Variants in CYP3A7 observed in about 807,000 individuals in gnomAD.
CYP3A7 encodes the protein cytochrome P450 3A7.
A neutral mutation model predicts 55.2 loss-of-function variants in CYP3A7; 45 were observed. The ratio of observed to expected loss-of-function variants is 0.82; its 90% confidence interval spans 0.64 to 1.05. The LOEUF is 1.05. Among genes scored for constraint, CYP3A7 ranks in the 50% least tolerant of loss-of-function variants. The pLI, the probability that CYP3A7 is intolerant of heterozygous loss-of-function variation, is 0.00. For missense variants in CYP3A7, 548 were observed against 605.3 expected (o/e 0.91, Z 0.99); for synonymous variants, 180 against 207.4 (o/e 0.87, Z 1.13).
chr7:99,718,027 T>G (rs1814034330), intron 4 of CYP3A7, among the ~76,000 whole-genome samples: 1 of 151,516 alleles, frequency 6.6e-6, no homozygotes, highest in Non-Finnish European at 1.5e-5. Flanking sequence ...ATGGGCAACA[T>G]GAAAAAGAGG....
intron 2 of CYP3A7, among the ~76,000 whole-genome samples, chr7:99,728,448 C>G (rs1469785248): frequency 1.3e-5 from 2 of 152,152 alleles, no homozygotes; most frequent in Non-Finnish European, 2.9e-5. Flanking sequence ...CCATCAATCC[C>G]CATTATGACC....
At position 99,709,089 on chromosome 7, in the gene CYP3A7, A is replaced by G. The variant is rs370963735; in HGVS notation, c.1199T>C (p.Val400Ala). The G allele has an allele frequency of 3.6e-5, 58 of 1,613,884 alleles. No homozygotes were observed. The highest frequency in any genetic ancestry group is 2.2e-4 in the South Asian group (20 of 91,082). ...KGVVVMIPSY[V>A]LHHDPKYWTE... ...CCAGTACTTTGGGTCATGATGAAGA[A>G]CATAGCTTGGAATCATCACCACCAC... The change falls in exon 11 of 13, where the codon GTT (valine) becomes GCT (alanine). Residue 400 changes from valine to alanine, a missense_variant. Transcript: ENST00000336374.
rs1228905258 is a variant in CYP3A7 at position 99,705,350 on chromosome 7, A to G, written c.*150T>C. The G allele has an allele frequency of 8.2e-6, 7 of 850,280 alleles. No individual in the cohort carries two copies. Among genetic ancestry groups the G allele is most frequent in the Middle Eastern group, 2.3e-4 (1 of 4,424 alleles). 52.7% of individuals were successfully genotyped at this position (850,280 alleles called of 1,614,324 possible). A position where few individuals can be genotyped will look rare whatever the true frequency, so the allele number is the denominator to read the frequency against. On this transcript the variant is annotated 3_prime_UTR_variant, in exon 13 of 13. Transcript: ENST00000336374. ...CACTCTATACAGACCATGAGAGAGCACAATGCACGTACAGAATCCCTGATT... is the reference window on the plus strand; with the variant it reads ...CACTCTATACAGACCATGAGAGAGCGCAATGCACGTACAGAATCCCTGATT...
In CYP3A7 at chr7:99,708,976, G is replaced by A. The variant is rs1036217306; in HGVS notation, c.1253+59C>T. The A allele has an allele frequency of 5.7e-6, 9 of 1,580,696 alleles. No homozygotes were observed. The African/African-American group carries it at 1.2e-4, about 21-fold the overall frequency. On this transcript the variant is annotated intron_variant, in intron 11 of 12. Transcript: ENST00000336374. ...CAAGCCCAGACTGTCCTGTAGAGAG[G>A]CAGAATATGCTTGAACCAGGCTGGT...
intron 4 of CYP3A7, among the ~76,000 whole-genome samples, chr7:99,718,280 G>T (rs538269625): frequency 3.9e-5 from 6 of 152,250 alleles, no homozygotes; most frequent in Admixed American, 3.9e-4. Context: ...AAAAAAGGTA[G>T]GTAATACTTT....
Position 99,720,379 on chromosome 7 carries a change from G to C in CYP3A7, c.252C>G (p.Ile84Met). ...IYDCQQPMLA[I>M]TDPDMIKTVL... ...CTGTTTTGATCATGTCGGGATCTGT[G>C]ATAGCCAGCATAGGCTGTTGACAGT... The change falls in exon 4 of 13, where the codon ATC (isoleucine) becomes ATG (methionine). Residue 84 changes from isoleucine (I) to methionine (M), a missense_variant. Transcript: ENST00000336374. The C allele has an allele frequency of 6.2e-7, 1 of 1,613,774 alleles. No homozygotes were observed. The highest frequency in any genetic ancestry group is 2.2e-5 in the East Asian group (1 of 44,860).
chr7:99,710,786 G>T lies in CYP3A7; in HGVS notation c.972C>A (p.His324Gln). 2 of 1,613,938 alleles carry T rather than the reference G, an allele frequency of 1.2e-6. No individual in the cohort carries two copies. The highest frequency in any genetic ancestry group is 1.7e-6 in the Non-Finnish European group (2 of 1,179,916). Reference protein sequence around the residue: ...LSFIIYELATHPDVQQKVQKE... With the variant: ...LSFIIYELATQPDVQQKVQKE... ...TCTGCACTTTCTGCTGGACATCAGG[G>T]TGAGTGGCCAGTTCATATATAATGA... The change falls in exon 10 of 13, where the codon CAC becomes CAA. Residue 324 changes from histidine to glutamine, a missense_variant. By Grantham distance (24) the His-to-Gln change is conservative. Coordinates refer to ENST00000336374, the MANE Select transcript of CYP3A7 (RefSeq NM_000765.5).
At chr7:99,734,883 A>G in intron 1 of CYP3A7, 140 bp downstream of exon 1, 3 of 1,313,820 alleles carry the variant, frequency 2.3e-6, no homozygotes, top group Non-Finnish European at 3.3e-6. Context: ...AGCATCCCAA[A>G]GTTCTGGGAT....
In CYP3A7 at chr7:99,733,232, A is replaced by G. The variant is rs542404189; in HGVS notation, c.71+1791T>C. On this transcript the variant is annotated intron_variant, in intron 1 of 12. Transcript: ENST00000336374. ...ACTAATCTCTGCTTCTAAACTTTCT[A>G]CATGTTACATGATCTCTCAGGCCAG... 3.9e-5 allele frequency among the ~76,000 whole-genome samples: 6 copies of G among 152,260 alleles called. No homozygotes were observed. The East Asian group carries it at 9.6e-4, about 24-fold the overall frequency.
chr7:99,731,095 A>T lies in CYP3A7; in HGVS notation c.129T>A (p.Pro43=), dbSNP rs533764292. The part of the protein sequence containing the change: ...FKKLGIPGPT[P]LPFLGNALSF... ...ACAAAGCATTTCCCAAAAAAGGCAG[A>T]GGTGTGGGCCCTGGAATTCCAAGCT... Residue 43 remains proline, a synonymous_variant, in exon 2 of 13, where the codon CCT becomes CCA. Transcript: ENST00000336374. 4.3e-6 allele frequency: 7 copies of T among 1,613,912 alleles called. No individual in the cohort carries two copies. In the South Asian group the frequency reaches 7.7e-5, roughly 18 times the overall value.
intron 2 of CYP3A7, among the ~76,000 whole-genome samples, chr7:99,722,907 A>G (rs1814258719): frequency 6.6e-6 from 1 of 152,190 alleles, no homozygotes; most frequent in African/African-American, 2.4e-5. Flanking sequence ...TGAGTGACAG[A>G]ATGACAAAGT....
intron 11 of CYP3A7, 141 bp from the exon 12 acceptor site, chr7:99,708,115 T>G: frequency 1.7e-6 from 2 of 1,165,280 alleles, no homozygotes; most frequent in African/African-American, 3.1e-5. Flanking sequence ...GAAATCCTGC[T>G]ATGCATATTT....
chr7:99,716,740 C>A (rs964479609), intron 6 of CYP3A7, among the ~76,000 whole-genome samples: 2 of 152,030 alleles, frequency 1.3e-5, no homozygotes, highest in South Asian at 2.1e-4. Flanking sequence ...TCTACTGATA[C>A]CCTCAGAAAA....
At chr7:99,709,727 A>T (rs1170193981) in intron 10 of CYP3A7, among the ~76,000 whole-genome samples, 2 of 152,164 alleles carry the variant, frequency 1.3e-5, no homozygotes, top group African/African-American at 4.8e-5. Flanking sequence ...TCTTTTTGTT[A>T]TATATACAAA....
Position 99,710,992 on chromosome 7 carries a change from GA to G in CYP3A7, c.866-101del, listed in dbSNP as rs966653136. On this transcript the variant is annotated intron_variant, in intron 9 of 12. Transcript: ENST00000336374. The stretch of plus-strand genomic sequence containing the variant: ...AAGTGGAACCTTCAAATCCCCAGGG[GA>G]AAAAATAGAAAAGCAATTCAGAGTC... 1.5e-5 allele frequency: 23 copies of G among 1,580,250 alleles called. No homozygotes were observed. The East Asian group carries it at 5.1e-4, about 35-fold the overall frequency.
chr7:99,731,683 C>T (rs1336283165), intron 1 of CYP3A7, among the ~76,000 whole-genome samples: 3 of 152,228 alleles, frequency 2.0e-5, no homozygotes, highest in African/African-American at 7.2e-5. Flanking sequence ...TCCCTTCACT[C>T]TAAGCTCTGA....
chr7:99,718,800 G>A (rs2687074), intron 4 of CYP3A7, among the ~76,000 whole-genome samples: 3 of 152,194 alleles, frequency 2.0e-5, no homozygotes, highest in African/African-American at 7.2e-5. Context: ...AAGTCAGCTC[G>A]GCAAGGTTCT....
rs1366581663 is a variant in CYP3A7 at position 99,717,161 on chromosome 7, C to G, written c.521+16G>C. On this transcript the variant is annotated intron_variant, in intron 6 of 12. Coordinates refer to ENST00000336374, the MANE Select transcript of CYP3A7 (RefSeq NM_000765.5). ...CTCATGACAGCTCAGAACCCCATGGCTGTGCTCCTACTTACTGTTTCAAGG... is the reference window on the plus strand; with the variant it reads ...CTCATGACAGCTCAGAACCCCATGGGTGTGCTCCTACTTACTGTTTCAAGG... 6.8e-6 allele frequency: 11 copies of G among 1,613,812 alleles called. No homozygotes were observed. Among genetic ancestry groups the G allele is most frequent in the African/African-American group, 1.3e-5 (1 of 75,038 alleles).
intron 2 of CYP3A7, among the ~76,000 whole-genome samples, chr7:99,727,186 G>A (rs1041230768): frequency 1.3e-5 from 2 of 152,148 alleles, no homozygotes; most frequent in African/African-American, 2.4e-5. Context: ...GTGCAGGGCT[G>A]TGCAGCTGGA....
Sources: gnomAD v4.1 joint callset for allele counts (sites outside exome capture counted in the v4.1 genomes callset) on GRCh38, gnomAD v4.1.1 for gene constraint, MANE v1.5 for transcripts, NCBI Gene and HGNC (gene_info 2026-07-23, HGNC 2026-07-21) for gene names.